Variants in TMEM248 observed in about 807,000 individuals in gnomAD.
TMEM248 encodes the protein transmembrane protein 248.
In TMEM248, 9 loss-of-function variants were observed where a neutral mutation model predicts 30.3. The ratio of observed to expected loss-of-function variants is 0.30; its 90% CI spans 0.18 to 0.52. The LOEUF (loss-of-function observed/expected upper bound fraction) is 0.52, where lower values mean the gene tolerates loss of function less well. Ranked by LOEUF, TMEM248 falls within the 20% of genes least tolerant of loss-of-function variation. The pLI is 0.97. For synonymous variants in TMEM248, 184 were observed against 154.4 expected, an observed-to-expected ratio of 1.19 and a Z score of -1.42; for missense variants, 338 against 403.3, an observed-to-expected ratio of 0.84 and a Z score of 1.39.
Position 66,945,147 on chromosome 7 carries a change from A to G in TMEM248, c.331A>G (p.Asn111Asp), listed in dbSNP as rs200703637. ...GGCCCTGGAGGACTCGGGCCCGGTGAATATCTCAGTCTCAATCACCCTAAC... is the reference window on the plus strand; with the variant it reads ...GGCCCTGGAGGACTCGGGCCCGGTGGATATCTCAGTCTCAATCACCCTAAC... Reference protein sequence around the residue: ...PQALEDSGPVNISVSITLTLD... With the variant: ...PQALEDSGPVDISVSITLTLD... Residue 111 changes from asparagine (N) to aspartate (D), a missense_variant, in exon 3 of 7, where the codon AAT becomes GAT. Coordinates refer to ENST00000341567, the MANE Select transcript of TMEM248 (RefSeq NM_017994.5). 1 of 1,614,176 alleles carries G rather than the reference A, an allele frequency of 6.2e-7. No individual in the cohort carries two copies. Among genetic ancestry groups the G allele is most frequent in the South Asian group, 1.1e-5 (1 of 91,086 alleles).
At position 66,933,238 on chromosome 7, in the gene TMEM248, T is replaced by G. The variant is rs543375921; in HGVS notation, c.-18-8610T>G. 9.2e-5 allele frequency among the ~76,000 whole-genome samples: 14 copies of G among 152,254 alleles called. No individual in the cohort carries two copies. The South Asian group carries it at 2.9e-3, about 32-fold the overall frequency. On this transcript the variant is annotated intron_variant, in intron 1 of 6. Transcript: ENST00000341567. ...TAGAGTGCAGTGGCGTAATCAATCA[T>G]AGCTCACTGCCGCCTCAAACTCCCA...
intron 5 of TMEM248, 109 bp downstream of exon 5, chr7:66,951,244 A>T (rs1001033716): frequency 2.0e-6 from 2 of 1,023,844 alleles, no homozygotes; most frequent in African/African-American, 3.4e-5. Context: ...GGGTAAGCGT[A>T]TCCTCTGCCA....
chr7:66,939,394 T>TAGATCAACAG (rs1211034982), intron 1 of TMEM248, among the ~76,000 whole-genome samples: 12 of 152,300 alleles, frequency 7.9e-5, no homozygotes, highest in Non-Finnish European at 1.3e-4. Context: ...TTCAACGAAC[T>TAGATCAACAG]AGATCAACAG....
At chr7:66,949,361 T>G (rs989846415) in intron 4 of TMEM248, among the ~76,000 whole-genome samples, 3 of 151,952 alleles carry the variant, frequency 2.0e-5, no homozygotes, top group East Asian at 3.9e-4. Flanking sequence ...ATGGCACATG[T>G]CTGTAATCCC....
At chr7:66,925,592 C>A (rs1791501805) in intron 1 of TMEM248, among the ~76,000 whole-genome samples, 2 of 152,050 alleles carry the variant, frequency 1.3e-5, no homozygotes, top group South Asian at 4.1e-4. Context: ...AATAGTGCTG[C>A]AGTGAACAGA....
intron 3 of TMEM248, among the ~76,000 whole-genome samples, chr7:66,945,563 A>G (rs1253475608): frequency 6.6e-6 from 1 of 152,222 alleles, no homozygotes; most frequent in Non-Finnish European, 1.5e-5. Flanking sequence ...AGTTTTCATT[A>G]CTTACTACAC....
intron 1 of TMEM248, among the ~76,000 whole-genome samples, chr7:66,933,419 A>G (rs1425014238): frequency 6.6e-6 from 1 of 152,204 alleles, no homozygotes; most frequent in East Asian, 1.9e-4. Context: ...GTAGTTTTCC[A>G]TTTTTTAACA....
At chr7:66,940,447 A>G (rs982334536) in intron 1 of TMEM248, among the ~76,000 whole-genome samples, 1 of 152,238 alleles carries the variant, frequency 6.6e-6, no homozygotes, top group African/African-American at 2.4e-5. Flanking sequence ...AGCTAAATAG[A>G]TGGAAAGGTC....
chr7:66,934,029 A>G (rs1422314028), intron 1 of TMEM248, among the ~76,000 whole-genome samples: 1 of 151,704 alleles, frequency 6.6e-6, no homozygotes, highest in African/African-American at 2.4e-5. Context: ...TGCCACTGTG[A>G]CGCTTACAGA....
At position 66,945,062 on chromosome 7, in the gene TMEM248, C is replaced by T. The variant is rs746836640; in HGVS notation, c.246C>T (p.Thr82=). The T allele has an allele frequency of 6.2e-7, 1 of 1,614,214 alleles. No homozygotes were observed. Among genetic ancestry groups the T allele is most frequent in the Non-Finnish European group, 8.5e-7 (1 of 1,180,052 alleles). ...NETLKHLTND[T]TTPESTMTSG... is the part of the protein sequence containing the mutation. ...CCCTCAAGCATCTCACAAACGACAC[C>T]ACAACTCCGGAAAGTACAATGACCA... The change falls in exon 3 of 7, where the codon ACC becomes ACT. Residue 82 remains threonine, a synonymous_variant. Transcript: ENST00000341567.
Position 66,955,671 on chromosome 7 carries a change from T to G in TMEM248, c.*149T>G. ...GACATTTCAAGTGCCTGTAACTGAT[T>G]TGTACATATTTATAAAAATCTATTC... On this transcript the variant is annotated 3_prime_UTR_variant, in exon 7 of 7. Coordinates refer to ENST00000341567, the MANE Select transcript of TMEM248 (RefSeq NM_017994.5). The G allele has an allele frequency of 1.1e-6, 1 of 932,532 alleles. No individual in the cohort carries two copies. The highest frequency in any genetic ancestry group is 1.6e-6 in the Non-Finnish European group (1 of 616,686). The allele number at this position is 932,532 out of a possible 1,614,324, so 57.8% of individuals were successfully genotyped here.
In TMEM248 at chr7:66,933,043, A is replaced by G. The variant is rs914648675; in HGVS notation, c.-18-8805A>G. Among the ~76,000 whole-genome samples the G allele has an allele frequency of 7.9e-5, 12 of 152,036 alleles. No homozygotes were observed. In the East Asian group the frequency reaches 2.3e-3, roughly 29 times the overall value. ...CCGGCTAATTTTTTGTGTTTTTAGTAGAGACAGGGTTTCACCATGTTGCCC... is the reference window on the plus strand; with the variant it reads ...CCGGCTAATTTTTTGTGTTTTTAGTGGAGACAGGGTTTCACCATGTTGCCC... On this transcript the variant is annotated intron_variant, in intron 1 of 6. Coordinates refer to ENST00000341567, the MANE Select transcript of TMEM248 (RefSeq NM_017994.5).
chr7:66,945,712 A>G (rs1792082222), intron 3 of TMEM248, among the ~76,000 whole-genome samples: 1 of 152,204 alleles, frequency 6.6e-6, no homozygotes, highest in South Asian at 2.1e-4. Flanking sequence ...GCACTTTGGG[A>G]GGCCGAGGTG....
In TMEM248 at chr7:66,941,981, A is replaced by G. The variant is rs1026289922; in HGVS notation, c.116A>G (p.Tyr39Cys). ...AMAIAFLTLG[Y>C]FFKIKEIKSP... is the part of the protein sequence containing the mutation. ...GCCATAGCTTTCCTGACCCTGGGCT[A>G]CTTCTTCAAAATCAAGGAGATTAAA... is the stretch of plus-strand genomic sequence containing the variant. The change falls in exon 2 of 7, where the codon TAC becomes TGC. Residue 39 changes from tyrosine to cysteine, a missense_variant. Coordinates refer to ENST00000341567, the MANE Select transcript of TMEM248 (RefSeq NM_017994.5). 4 of 1,614,062 alleles carry G rather than the reference A, an allele frequency of 2.5e-6. No homozygotes were observed. The highest frequency in any genetic ancestry group is 1.3e-5 in the African/African-American group (1 of 74,942).
At chr7:66,925,281 A>G (rs1791494532) in intron 1 of TMEM248, among the ~76,000 whole-genome samples, 1 of 152,178 alleles carries the variant, frequency 6.6e-6, no homozygotes, top group South Asian at 2.1e-4. Context: ...TTGGCCTCCC[A>G]AAATGCTAGC....
At chr7:66,945,494 T>C (rs796923975) in intron 3 of TMEM248, among the ~76,000 whole-genome samples, 18 of 152,342 alleles carry the variant, frequency 1.2e-4, no homozygotes, top group African/African-American at 4.3e-4. Flanking sequence ...GTGAGAAAAC[T>C]GTTAAGGCCT....
rs771367329 is a variant in TMEM248 at position 66,953,389 on chromosome 7, C to T, written c.924+20C>T. On this transcript the variant is annotated intron_variant, in intron 6 of 6. Transcript: ENST00000341567. ...GAGAAGGTGAGCGGTGGATGGGGTC[C>T]GGGCCAGCATTTTACTAGAGGTCTC... is the stretch of plus-strand genomic sequence containing the variant. 1.7e-5 allele frequency: 28 copies of T among 1,611,710 alleles called. No homozygotes were observed. Among genetic ancestry groups the T allele is most frequent in the African/African-American group, 1.1e-4 (8 of 74,822 alleles).
chr7:66,941,717 A>T, intron 1 of TMEM248, 131 bp from the exon 2 acceptor site: 1 of 684,520 alleles, frequency 1.5e-6, no homozygotes, highest in Non-Finnish European at 2.4e-6. Context: ...TTATGATCCG[A>T]CATTTCTCAA....
At position 66,950,385 on chromosome 7, in the gene TMEM248, G is replaced by C. The variant is rs538637725; in HGVS notation, c.597-567G>C. On this transcript the variant is annotated intron_variant, in intron 4 of 6. Transcript: ENST00000341567. ...GTTCTCATAGTAAGAGAGTTCCCAT[G>C]AGATATGATGGTTTTATAAGGGGTT... Among the ~76,000 whole-genome samples the C allele has an allele frequency of 4.6e-5, 7 of 152,236 alleles. No homozygotes were observed. The East Asian group carries it at 1.2e-3, about 25-fold the overall frequency.
Sources: allele counts gnomAD v4.1 joint callset (sites outside exome capture counted in the v4.1 genomes callset), GRCh38; gene constraint gnomAD v4.1.1; transcripts MANE v1.5; gene names NCBI Gene and HGNC (gene_info 2026-07-23, HGNC 2026-07-21).